CLEC17A: variants seen among roughly 807,000 people sequenced by gnomAD.
The protein encoded by CLEC17A is C-type lectin domain containing 17A, also known as C-type lectin domain family 17, member A.
CLEC17A carries 37 observed loss-of-function variants against 61.3 expected under a neutral mutation model. The observed-to-expected ratio is 0.60, with a 90% confidence interval of 0.46 to 0.79. The LOEUF (loss-of-function observed/expected upper bound fraction) is 0.79. Among genes scored for constraint, CLEC17A ranks in the 30% least tolerant of loss-of-function variants. The pLI, the probability that CLEC17A is intolerant of heterozygous loss-of-function variation, is 0.00. For synonymous variants in CLEC17A, 168 were observed against 164.9 expected (o/e 1.02, Z -0.14); for missense variants, 418 against 464.7 (o/e 0.90, Z 0.92).
chr19:14,608,618 A>C (rs1460010377), intron 13 of CLEC17A, among the ~76,000 whole-genome samples: 1 of 148,724 alleles, frequency 6.7e-6, no homozygotes, highest in East Asian at 2.0e-4. Flanking sequence ...GGGTGGAAGG[A>C]TGAGGAAGAA....
chr19:14,604,512 C>G (rs1040135929), intron 12 of CLEC17A, among the ~76,000 whole-genome samples: 1 of 152,136 alleles, frequency 6.6e-6, no homozygotes, highest in Admixed American at 6.6e-5. Flanking sequence ...ACTGTAATCC[C>G]AGCACTTTGC....
intron 2 of CLEC17A, among the ~76,000 whole-genome samples, chr19:14,585,884 G>T (rs979915591): frequency 8.7e-5 from 13 of 148,658 alleles, no homozygotes; most frequent in African/African-American, 3.2e-4. Context: ...TGGGGTAATT[G>T]GTTGTGCAGC....
intron 2 of CLEC17A, chr19:14,584,083 A>AAAAAAG (rs1555742670): frequency 0.13 from 18,160 of 144,422 alleles, 3,173 homozygotes; most frequent in African/African-American, 0.38. Context: ...AAAAAAAAAA[A>AAAAAAG]TAGAGGTTTG....
At position 14,591,293 on chromosome 19, in the gene CLEC17A, C is replaced by T. The variant is rs1250623163; in HGVS notation, c.200-988C>T. On this transcript the variant is annotated intron_variant, in intron 3 of 13. Transcript: ENST00000417570. ...CCTCAGCCTCCTGAGTAGCTGGGAC[C>T]ACAGGCGCCCGCCACCACGCCTGGC... Among the ~76,000 whole-genome samples the T allele has an allele frequency of 2.7e-5, 4 of 148,770 alleles. No individual in the cohort carries two copies. The South Asian group carries it at 8.6e-4, about 32-fold the overall frequency.
rs757784381 is a variant in CLEC17A, at chr19:14,610,190, C to T, written c.1131C>T (p.Ser377=). 1.2e-5 allele frequency: 19 copies of T among 1,563,606 alleles called. No homozygotes were observed. Among genetic ancestry groups the T allele is most frequent in the East Asian group, 4.7e-5 (2 of 42,106 alleles). Residue 377 remains serine, a synonymous_variant, in exon 14 of 14, where the codon TCC becomes TCT. Coordinates refer to ENST00000417570, the MANE Select transcript of CLEC17A (RefSeq NM_001204118.2). ...TTYWICERKC[S]C is the part of the protein sequence containing the mutation. ...ATTGGATTTGTGAGCGGAAATGTTC[C>T]TGTTGAAGCCCAGGGCCGAGGCTGG...
At chr19:14,587,882 G>A (rs1487180267) in intron 3 of CLEC17A, among the ~76,000 whole-genome samples, 191 bp downstream of exon 3, 1 of 152,142 alleles carries the variant, frequency 6.6e-6, no homozygotes, top group Non-Finnish European at 1.5e-5. Flanking sequence ...CACAGTCTTG[G>A]TGAGCAGGGT....
intron 4 of CLEC17A, among the ~76,000 whole-genome samples, chr19:14,593,964 AAAACAAACAAAC>A (rs542906170): frequency 6.8e-5 from 10 of 146,788 alleles, no homozygotes; most frequent in Admixed American, 2.0e-4. Flanking sequence ...TCTGTCTCAT[AAAACAAACAAAC>A]AAACAAACAA....
chr19:14,588,841 C>T (rs1254986030), intron 3 of CLEC17A, among the ~76,000 whole-genome samples: 2 of 151,994 alleles, frequency 1.3e-5, no homozygotes, highest in Non-Finnish European at 2.9e-5. Context: ...GTATATCCCC[C>T]ATCTCTGAGT....
chr19:14,593,439 GA>G (rs891249793), intron 4 of CLEC17A, among the ~76,000 whole-genome samples: 1 of 151,482 alleles, frequency 6.6e-6, no homozygotes, highest in African/African-American at 2.4e-5. Flanking sequence ...TGGAGCCCCA[GA>G]AAAGAGACCA....
At chr19:14,595,892 A>G (rs1210170492) in intron 8 of CLEC17A, among the ~76,000 whole-genome samples, 1 of 17,596 alleles carries the variant, frequency 5.7e-5, no homozygotes, top group African/African-American at 2.2e-4. Flanking sequence ...GGTGATGATG[A>G]TAGTGGTGGT....
chr19:14,587,420 G>A (rs2074312395), intron 2 of CLEC17A, among the ~76,000 whole-genome samples, 194 bp from the exon 3 acceptor site: 2 of 152,154 alleles, frequency 1.3e-5, no homozygotes, highest in African/African-American at 4.8e-5. Flanking sequence ...CGGTAGCCAT[G>A]CACAACCTGT....
intron 13 of CLEC17A, among the ~76,000 whole-genome samples, chr19:14,608,946 C>T (rs2074977121): frequency 6.6e-6 from 1 of 151,846 alleles, no homozygotes; most frequent in African/African-American, 2.4e-5. Context: ...ATTACAGGCG[C>T]CCGCCACCAT....
At chr19:14,586,346 A>T (rs1356720697) in intron 2 of CLEC17A, among the ~76,000 whole-genome samples, 1 of 151,842 alleles carries the variant, frequency 6.6e-6, no homozygotes, top group Non-Finnish European at 1.5e-5. Flanking sequence ...CTGGTCTCGA[A>T]CTCCCGACCT....
chr19:14,600,581 TC>T (rs2074679123), intron 12 of CLEC17A, among the ~76,000 whole-genome samples: 1 of 150,274 alleles, frequency 6.7e-6, no homozygotes, highest in African/African-American at 2.5e-5. Flanking sequence ...TTATTTCTTT[TC>T]TTTTCTTTTT....
Position 14,607,036 on chromosome 19 carries a change from TG to T in CLEC17A, c.942del (p.Leu315Ter). The stretch of plus-strand genomic sequence containing the variant: ...CATGGCTCTCCACGGGTGTACTGGC[TG>T]GGGCTGAATGACAGGGCCCAGGAAG... ...KAHGSPRVYW[L>X]GLNDRAQEGD... On this transcript the variant is annotated frameshift_variant, in exon 13 of 14. Transcript: ENST00000417570. LOFTEE classifies it high-confidence loss of function. 1 of 1,341,898 alleles carries T rather than the reference TG, an allele frequency of 7.5e-7. No homozygotes were observed. The highest frequency in any genetic ancestry group is 1.9e-5 in the South Asian group (1 of 53,120). The allele number at this position is 1,341,898 out of a possible 1,614,324, so 83.1% of individuals were successfully genotyped here.
chr19:14,597,079 A>G lies in CLEC17A; in HGVS notation c.584-20A>G. On this transcript the variant is annotated intron_variant, in intron 9 of 13. Coordinates refer to ENST00000417570, the MANE Select transcript of CLEC17A (RefSeq NM_001204118.2). ...GGGTGCACAGGAGGACCTGGGCTCA[A>G]TTTGGACTCTTCTTCATAGACCAGG... 1.9e-6 allele frequency: 3 copies of G among 1,612,758 alleles called. No homozygotes were observed. The highest frequency in any genetic ancestry group is 2.5e-6 in the Non-Finnish European group (3 of 1,179,412).
intron 12 of CLEC17A, among the ~76,000 whole-genome samples, chr19:14,604,075 C>T (rs948499952): frequency 6.6e-6 from 1 of 152,166 alleles, no homozygotes; most frequent in Non-Finnish European, 1.5e-5. Context: ...GATCTTTCTG[C>T]TCCTCCTATC....
At chr19:14,593,108 T>A (rs2074460158) in intron 4 of CLEC17A, among the ~76,000 whole-genome samples, 1 of 152,072 alleles carries the variant, frequency 6.6e-6, no homozygotes, top group South Asian at 2.1e-4. Flanking sequence ...AGCCCAGGGC[T>A]TTATTTAATC....
In CLEC17A at chr19:14,610,277, C is replaced by A; in HGVS notation, c.*81C>A. The A allele has an allele frequency of 6.6e-7, 1 of 1,519,026 alleles. No individual in the cohort carries two copies. 94.1% of individuals were successfully genotyped at this position (1,519,026 alleles called of 1,614,324 possible). A position where few individuals can be genotyped will look rare whatever the true frequency, so the allele number is the denominator to read the frequency against. On this transcript the variant is annotated 3_prime_UTR_variant, in exon 14 of 14. Transcript: ENST00000417570. Reference sequence around the variant, plus strand: ...TCCTGCCCTTTCGTGGACGGCCTTGCCTCTTCGTGAGTGGACACACAGATG... The same window carrying A: ...TCCTGCCCTTTCGTGGACGGCCTTGACTCTTCGTGAGTGGACACACAGATG...
Sources: gnomAD v4.1 joint callset for allele counts (sites outside exome capture counted in the v4.1 genomes callset) on GRCh38, gnomAD v4.1.1 for gene constraint, MANE v1.5 for transcripts, NCBI Gene and HGNC (gene_info 2026-07-23, HGNC 2026-07-21) for gene names.